Variants in OXSR1 observed in about 807,000 individuals in gnomAD.
The protein encoded by OXSR1 is serine/threonine-protein kinase OSR1.
A neutral mutation model predicts 79.8 loss-of-function variants in OXSR1; 24 were observed. The ratio of observed to expected loss-of-function variants is 0.30; its 90% confidence interval spans 0.22 to 0.42. The LOEUF (loss-of-function observed/expected upper bound fraction) is 0.42, where lower values mean the gene tolerates loss of function less well. OXSR1 is among the 10% of genes least tolerant of loss of function. OXSR1 has a pLI of 1.00. For synonymous variants in OXSR1, 226 were observed against 209.2 expected (o/e 1.08, Z -0.69); for missense variants, 430 against 618.4 (o/e 0.70, Z 3.23).
intron 7 of OXSR1, 85 bp downstream of exon 7, chr3:38,223,998 A>C: frequency 1.3e-6 from 1 of 742,048 alleles, no homozygotes; most frequent in Non-Finnish European, 2.2e-6. Flanking sequence ...TTTTTTTTTT[A>C]TTGTGGTAAA....
chr3:38,242,349 C>CT (rs1559527195), intron 11 of OXSR1, among the ~76,000 whole-genome samples: 1 of 152,096 alleles, frequency 6.6e-6, no homozygotes, highest in Non-Finnish European at 1.5e-5. Flanking sequence ...CAGAATTACT[C>CT]TGCTTTGAGA....
chr3:38,224,751 G>A, intron 8 of OXSR1, 47 bp downstream of exon 8: 1 of 1,347,350 alleles, frequency 7.4e-7, no homozygotes, highest in Non-Finnish European at 1.0e-6. Context: ...AAAACATTGT[G>A]AGAAGTCTAA....
At chr3:38,173,956 G>A (rs539131334) in intron 1 of OXSR1, among the ~76,000 whole-genome samples, 1 of 152,304 alleles carries the variant, frequency 6.6e-6, no homozygotes, top group South Asian at 2.1e-4. Context: ...TGACAGTTGA[G>A]GAAAGACCTG....
At chr3:38,182,346 A>G (rs1349121289) in intron 1 of OXSR1, among the ~76,000 whole-genome samples, 1 of 152,146 alleles carries the variant, frequency 6.6e-6, no homozygotes, top group Non-Finnish European at 1.5e-5. Context: ...TTTCAGGCAT[A>G]GTGTGGAGAC....
intron 4 of OXSR1, among the ~76,000 whole-genome samples, chr3:38,204,743 A>G (rs1033549661): frequency 6.6e-6 from 1 of 151,482 alleles, no homozygotes; most frequent in African/African-American, 2.4e-5. Flanking sequence ...GAAGAAAGGA[A>G]TCTCTCCCAG....
At chr3:38,198,674 T>C (rs200162286) in intron 3 of OXSR1, 48 bp from the exon 4 acceptor site, 38 of 1,460,988 alleles carry the variant, frequency 2.6e-5, no homozygotes, top group Non-Finnish European at 3.1e-5. Context: ...ATCTGAATTA[T>C]ATTGAATGAT....
At chr3:38,196,259 G>A (rs1025181345) in intron 3 of OXSR1, among the ~76,000 whole-genome samples, 3 of 152,092 alleles carry the variant, frequency 2.0e-5, no homozygotes, top group African/African-American at 7.2e-5. Context: ...TCTTCCTTTT[G>A]CTTAGCATAT....
At position 38,252,877 on chromosome 3, in the gene OXSR1, C is replaced by G. The variant is rs757727581; in HGVS notation, c.1570C>G (p.Leu524Val). 5 of 1,613,456 alleles carry G rather than the reference C, an allele frequency of 3.1e-6. No individual in the cohort carries two copies. The highest frequency in any genetic ancestry group is 4.5e-5 in the East Asian group (2 of 44,890). ...TGGTAAACTGATAGGATTTGCCCAGCTCAGCATCAGCTAAACCACAACCCT... is the reference window on the plus strand; with the variant it reads ...TGGTAAACTGATAGGATTTGCCCAGGTCAGCATCAGCTAAACCACAACCCT... ...DDGKLIGFAQ[L>V]SIS The change falls in exon 18 of 18, where the codon CTC becomes GTC. Residue 524 changes from leucine (L) to valine (V), a missense_variant. By Grantham distance (32) the Leu-to-Val change is conservative (BLOSUM62 1). Around this residue, in one of 3 missense-constraint regions of OXSR1, gnomAD observed 276 missense variants for 354.2 expected, o/e 0.78. Transcript: ENST00000311806.
intron 4 of OXSR1, among the ~76,000 whole-genome samples, chr3:38,202,978 T>C (rs180740387): frequency 1.3e-5 from 2 of 152,314 alleles, no homozygotes; most frequent in African/African-American, 4.8e-5. Flanking sequence ...TGTAGAAGGC[T>C]GGATATTATC....
intron 4 of OXSR1, among the ~76,000 whole-genome samples, chr3:38,204,105 C>G (rs1194016848): frequency 6.6e-6 from 1 of 152,156 alleles, no homozygotes; most frequent in East Asian, 1.9e-4. Flanking sequence ...AGTCTCTCCC[C>G]GTGGCCACCA....
At chr3:38,220,602 A>C (rs2125835218) in intron 5 of OXSR1, among the ~76,000 whole-genome samples, 1 of 152,348 alleles carries the variant, frequency 6.6e-6, no homozygotes, top group South Asian at 2.1e-4. Flanking sequence ...TTTGAAATAC[A>C]CTAGGAAATA....
intron 5 of OXSR1, among the ~76,000 whole-genome samples, chr3:38,217,702 T>C (rs1307414103): frequency 2.0e-5 from 3 of 152,226 alleles, no homozygotes; most frequent in South Asian, 2.1e-4. Context: ...AATTTTTGTA[T>C]TTGTAGTAGA....
intron 10 of OXSR1, among the ~76,000 whole-genome samples, chr3:38,235,448 A>G (rs1188942996): frequency 6.6e-6 from 1 of 152,222 alleles, no homozygotes; most frequent in Non-Finnish European, 1.5e-5. Context: ...GAATTCCAGA[A>G]AAGGAGAACT....
chr3:38,201,281 C>T lies in OXSR1; in HGVS notation c.434+2418C>T, dbSNP rs9850674. ...AGCTTTTTATATATTAAAAATTACTCTTTTGGCTTGGCATGGTGGCTCACG... is the reference window on the plus strand; with the variant it reads ...AGCTTTTTATATATTAAAAATTACTTTTTTGGCTTGGCATGGTGGCTCACG... On this transcript the variant is annotated intron_variant, in intron 4 of 17. Coordinates refer to ENST00000311806, the MANE Select transcript of OXSR1 (RefSeq NM_005109.3). Among the ~76,000 whole-genome samples the T allele has an allele frequency of 6.5e-3, 993 of 152,166 alleles. 10 individuals are homozygous for T. Among genetic ancestry groups the T allele is most frequent in the African/African-American group, 0.023 (956 of 41,516 alleles).
chr3:38,213,412 C>CA (rs1200142777), intron 4 of OXSR1, among the ~76,000 whole-genome samples: 1 of 151,960 alleles, frequency 6.6e-6, no homozygotes, highest in Admixed American at 6.6e-5. Context: ...TTCTCAAAAA[C>CA]AAAGAAAACG....
intron 1 of OXSR1, among the ~76,000 whole-genome samples, chr3:38,169,674 G>A (rs1275041709): frequency 6.6e-6 from 1 of 151,060 alleles, no homozygotes; most frequent in Non-Finnish European, 1.5e-5. Flanking sequence ...CTGGGTATGC[G>A]TCGTTCATCT....
At chr3:38,171,514 A>G (rs1348669418) in intron 1 of OXSR1, among the ~76,000 whole-genome samples, 1 of 152,112 alleles carries the variant, frequency 6.6e-6, no homozygotes, top group African/African-American at 2.4e-5. Flanking sequence ...TTGAACTGTA[A>G]TTTTTTTCAC....
chr3:38,201,869 G>GA (rs1157223960), intron 4 of OXSR1, among the ~76,000 whole-genome samples: 2 of 151,456 alleles, frequency 1.3e-5, no homozygotes, highest in African/African-American at 2.4e-5. Context: ...GTGTCGAAAA[G>GA]AAAAAAAAAT....
At chr3:38,193,509 T>TGTA in intron 3 of OXSR1, 1 of 862,996 alleles carries the variant, frequency 1.2e-6, no homozygotes, top group Non-Finnish European at 1.6e-6. Flanking sequence ...TTTTTAATGT[T>TGTA]TTGCAAAAAA....
Sources: gnomAD v4.1 joint callset for allele counts (sites outside exome capture counted in the v4.1 genomes callset) on GRCh38, gnomAD v4.1.1 for gene constraint, gnomAD v4.1.1 regional missense constraint, MANE v1.5 for transcripts, NCBI Gene and HGNC (gene_info 2026-07-23, HGNC 2026-07-21) for gene names.